WNK3: variants seen among roughly 807,000 people sequenced by gnomAD.
WNK3 encodes the protein WNK lysine deficient protein kinase 3, also known as serine/threonine-protein kinase WNK3.
In WNK3, 18 loss-of-function variants were observed where a neutral mutation model predicts 116.7. The ratio of observed to expected loss-of-function variants is 0.15; its 90% CI spans 0.11 to 0.23. The LOEUF (loss-of-function observed/expected upper bound fraction) is 0.23, where lower values mean the gene tolerates loss of function less well. Ranked by LOEUF, WNK3 falls within the 10% of genes least tolerant of loss-of-function variation. The probability of loss-of-function intolerance (pLI) is 1.00; values close to 1 mark genes in which losing one functional copy is unlikely to be tolerated. For missense variants in WNK3, 993 were observed against 1,323.8 expected (o/e 0.75, Z 3.88); for synonymous variants, 404 against 469.4 (o/e 0.86, Z 1.80).
intron 21 of WNK3, among the ~76,000 whole-genome samples, chrX:54,229,272 TA>T (rs1172696511): frequency 9.1e-6 from 1 of 109,550 alleles, no homozygotes; most frequent in Admixed American, 9.9e-5. Flanking sequence ...CCTGGAGAAA[TA>T]AACTGTACAC....
At chrX:54,217,449 A>G (rs1442206897) in intron 22 of WNK3, among the ~76,000 whole-genome samples, 1 of 106,888 alleles carries the variant, frequency 9.4e-6, no homozygotes, top group Non-Finnish European at 1.9e-5. Context: ...GTAAAACCCC[A>G]TCTCTACTAA....
At position 54,259,355 on chromosome X, in the gene WNK3, C is replaced by T. The variant is rs2068232640; in HGVS notation, c.2038-17G>A. ...GGATACAGGCTGTAAACAGTACAGACATAAAACTTGCTATGATAACAGTAA... is the reference window on the plus strand; with the variant it reads ...GGATACAGGCTGTAAACAGTACAGATATAAAACTTGCTATGATAACAGTAA... On this transcript the variant is annotated splice_polypyrimidine_tract_variant and intron_variant, in intron 10 of 23. Transcript: ENST00000354646. The T allele has an allele frequency of 2.7e-6, 3 of 1,095,945 alleles. No individual in the cohort carries two copies. Among genetic ancestry groups the T allele is most frequent in the Non-Finnish European group, 3.7e-6 (3 of 811,423 alleles). The allele number at this position is 1,095,945 out of a possible 1,213,427, so 90.3% of individuals were successfully genotyped here.
At chrX:54,236,990 A>G in exon 20 of WNK3, 1 of 1,210,060 alleles carries the variant, frequency 8.3e-7, no homozygotes, top group South Asian at 1.8e-5. Context: ...TCTATTTCTG[A>G]TTCATCATCA....
chrX:54,204,865 C>T (rs1557142365), intron 22 of WNK3, among the ~76,000 whole-genome samples: 1 of 112,225 alleles, frequency 8.9e-6, no homozygotes. Context: ...GTGCCCAATC[C>T]CTTCAGCTTC....
chrX:54,226,377 G>A (rs2067839033), intron 22 of WNK3, among the ~76,000 whole-genome samples: 1 of 106,508 alleles, frequency 9.4e-6, no homozygotes, highest in African/African-American at 3.4e-5. Context: ...GGCTGAGGCA[G>A]GAGAATCGCT....
At chrX:54,275,282 C>T (rs957616941) in intron 10 of WNK3, among the ~76,000 whole-genome samples, 10 of 110,349 alleles carry the variant, frequency 9.1e-5, no homozygotes, top group Non-Finnish European at 1.7e-4. Flanking sequence ...CACCATTGCA[C>T]TCCAGCCTGG....
chrX:54,256,233 T>C (rs1167345067), intron 11 of WNK3, among the ~76,000 whole-genome samples: 1 of 111,799 alleles, frequency 8.9e-6, no homozygotes, highest in Non-Finnish European at 1.9e-5. Context: ...CCTTTTATTA[T>C]AGGGTGCTCT....
intron 13 of WNK3, among the ~76,000 whole-genome samples, chrX:54,253,080 A>G (rs1912473627): frequency 9.1e-6 from 1 of 110,161 alleles, no homozygotes; most frequent in African/African-American, 3.3e-5. Context: ...TTACAAGGGG[A>G]GGGATACCCC....
At chrX:54,236,661 A>C (rs2067964997) in intron 20 of WNK3, among the ~76,000 whole-genome samples, 1 of 111,815 alleles carries the variant, frequency 8.9e-6, no homozygotes, top group African/African-American at 3.2e-5. Context: ...AATAGTTGTA[A>C]AATCTAAAAC....
At chrX:54,315,080 G>A (rs1002492760) in intron 2 of WNK3, among the ~76,000 whole-genome samples, 32 of 109,695 alleles carry the variant, frequency 2.9e-4, no homozygotes, top group Admixed American at 2.4e-3. Flanking sequence ...TGAATCGTTC[G>A]AGCTCAGGAG....
chrX:54,241,275 C>T (rs956419060), intron 17 of WNK3, among the ~76,000 whole-genome samples: 2 of 111,754 alleles, frequency 1.8e-5, no homozygotes, highest in African/African-American at 6.5e-5. Flanking sequence ...CCATACCTTT[C>T]CCACAATTAC....
At chrX:54,253,463 C>G (rs909714833) in intron 13 of WNK3, among the ~76,000 whole-genome samples, 4 of 110,512 alleles carry the variant, frequency 3.6e-5, no homozygotes, top group Non-Finnish European at 5.7e-5. Flanking sequence ...AGGTCTCACT[C>G]ACTACATTGC....
At chrX:54,355,447 T>C (rs1157931531) in intron 1 of WNK3, among the ~76,000 whole-genome samples, 2 of 110,993 alleles carry the variant, frequency 1.8e-5, no homozygotes, top group East Asian at 2.8e-4. Flanking sequence ...CAAGGTATGA[T>C]AGAACTCTAA....
chrX:54,198,483 C>T (rs1353984529), exon 24 of WNK3: 7 of 1,209,721 alleles, frequency 5.8e-6, no homozygotes, highest in South Asian at 3.5e-5. Context: ...CTGGATACCC[C>T]GCCCCCGCCA....
chrX:54,276,098 G>C (rs2068444006), intron 10 of WNK3, among the ~76,000 whole-genome samples: 1 of 111,275 alleles, frequency 9.0e-6, no homozygotes, highest in African/African-American at 3.3e-5. Flanking sequence ...CCAGCACTTT[G>C]GGAGGCTGAG....
chrX:54,225,890 A>G (rs947407602), intron 22 of WNK3, among the ~76,000 whole-genome samples: 1 of 110,256 alleles, frequency 9.1e-6, no homozygotes, highest in African/African-American at 3.3e-5. Context: ...ACAATTTCAA[A>G]ACACATGATA....
At chrX:54,297,422 C>T (rs782301692) in intron 7 of WNK3, among the ~76,000 whole-genome samples, 42 of 109,697 alleles carry the variant, frequency 3.8e-4, no homozygotes, top group African/African-American at 1.3e-3. Flanking sequence ...ACTAAAAGTA[C>T]AAAAATTAGC....
chrX:54,261,536 A>G (rs1557156699), intron 10 of WNK3, among the ~76,000 whole-genome samples: 2 of 111,527 alleles, frequency 1.8e-5, no homozygotes, highest in Non-Finnish European at 3.8e-5. Context: ...ACAAAGTTGA[A>G]TTTATTTTTT....
At chrX:54,323,327 TTAAGGGGCAATCTAAAAAACAAC>T (rs1246690410) in intron 2 of WNK3, among the ~76,000 whole-genome samples, 8 of 110,356 alleles carry the variant, frequency 7.2e-5, no homozygotes, top group Admixed American at 9.8e-5. Context: ...CAAAGTCAAA[TTAAGGGGCAATCTAAAAAACAAC>T]TAAGGGGCAA....
Sources: gnomAD v4.1 joint callset for allele counts (sites outside exome capture counted in the v4.1 genomes callset) on GRCh38, gnomAD v4.1.1 for gene constraint, MANE v1.5 for transcripts, NCBI Gene and HGNC (gene_info 2026-07-23, HGNC 2026-07-21) for gene names.